The following STX8 variants were observed in gnomAD, a reference collection of about 807,000 sequenced individuals.
STX8 encodes syntaxin 8.
In STX8, 23 loss-of-function variants were observed where a neutral mutation model predicts 37.5. The observed-to-expected ratio is 0.61, with a 90% CI of 0.44 to 0.87. The LOEUF (loss-of-function observed/expected upper bound fraction) is 0.87, where lower values mean the gene tolerates loss of function less well. Ranked by LOEUF, STX8 falls within the 40% of genes least tolerant of loss-of-function variation. The pLI is 0.00. For synonymous variants in STX8, 115 were observed against 99.1 expected (o/e 1.16, Z -0.95); for missense variants, 313 against 284.7 (o/e 1.10, Z -0.71).
intron 4 of STX8, among the ~76,000 whole-genome samples, chr17:9,508,134 T>C (rs775519416): frequency 1.3e-5 from 2 of 152,096 alleles, no homozygotes; most frequent in Non-Finnish European, 2.9e-5. Context: ...AATCTTACAG[T>C]GAGATACAAG....
intron 4 of STX8, among the ~76,000 whole-genome samples, chr17:9,524,743 A>G (rs6503225): frequency 0.95 from 144,713 of 152,080 alleles, 69,296 homozygotes; most frequent in East Asian, 1. Flanking sequence ...GCAAATTATC[A>G]AGATGGACAC....
At chr17:9,480,295 G>A (rs765258223) in intron 6 of STX8, among the ~76,000 whole-genome samples, 29 of 152,268 alleles carry the variant, frequency 1.9e-4, no homozygotes, top group South Asian at 4.1e-4. Context: ...TAAACAATTT[G>A]GAGAATGTAC....
intron 6 of STX8, among the ~76,000 whole-genome samples, chr17:9,460,684 A>AAC (rs1382439960): frequency 1.1e-4 from 17 of 149,888 alleles, no homozygotes; most frequent in Admixed American, 1.0e-3. Context: ...AAAAAAAAAA[A>AAC]AAAACAAAAC....
intron 7 of STX8, among the ~76,000 whole-genome samples, chr17:9,298,629 T>A (rs912758591): frequency 6.6e-6 from 1 of 152,006 alleles, no homozygotes; most frequent in East Asian, 1.9e-4. Flanking sequence ...CTGGCCAACA[T>A]GGTGAAACCC....
chr17:9,549,665 C>T (rs1290557900), intron 3 of STX8, among the ~76,000 whole-genome samples: 1 of 152,070 alleles, frequency 6.6e-6, no homozygotes, highest in East Asian at 1.9e-4. Flanking sequence ...CAATTAGGAA[C>T]ATGCTGCCTC....
chr17:9,277,659 A>C (rs1567764866), intron 7 of STX8, among the ~76,000 whole-genome samples: 2 of 152,280 alleles, frequency 1.3e-5, no homozygotes, highest in East Asian at 3.9e-4. Flanking sequence ...AATAAACAAG[A>C]TGTTATGACA....
At position 9,306,485 on chromosome 17, in the gene STX8, C is replaced by G. The variant is rs539967235; in HGVS notation, c.644-55840G>C. 2.0e-5 allele frequency among the ~76,000 whole-genome samples: 3 copies of G among 151,704 alleles called. No individual in the cohort carries two copies. The South Asian group carries it at 6.2e-4, about 32-fold the overall frequency. ...AAATTAAGGGCCAGGTACGGTATCT[C>G]ACACCTGTAATCCCAGCACTTTGGG... On this transcript the variant is annotated intron_variant, in intron 7 of 7. Transcript: ENST00000306357.
chr17:9,544,617 G>A (rs1225771985), intron 4 of STX8, among the ~76,000 whole-genome samples: 1 of 152,088 alleles, frequency 6.6e-6, no homozygotes, highest in East Asian at 1.9e-4. Flanking sequence ...GAAATGTTCT[G>A]ACTTCACCCA....
intron 7 of STX8, among the ~76,000 whole-genome samples, chr17:9,309,962 T>C (rs1909133240): frequency 6.6e-6 from 1 of 152,280 alleles, no homozygotes; most frequent in African/African-American, 2.4e-5. Context: ...CTAAGAAGTA[T>C]TTCCTATAGC....
rs146744410 is a variant in STX8, at chr17:9,370,555, G to A, written c.643+7997C>T. 4.0e-3 allele frequency among the ~76,000 whole-genome samples: 603 copies of A among 152,260 alleles called. 5 individuals carry two copies. The highest frequency in any genetic ancestry group is 0.014 in the African/African-American group (568 of 41,532). On this transcript the variant is annotated intron_variant, in intron 7 of 7. Coordinates refer to ENST00000306357, the MANE Select transcript of STX8 (RefSeq NM_004853.3). ...TGAGCTGAAGGCAGATCCAATGGTC[G>A]TCGATTGAGACAGCATTAATGCAAT...
At chr17:9,560,290 G>A (rs1907173621) in intron 2 of STX8, among the ~76,000 whole-genome samples, 2 of 151,062 alleles carry the variant, frequency 1.3e-5, no homozygotes, top group African/African-American at 4.9e-5. Context: ...CTCAGTTACT[G>A]GGGAGGCTGA....
intron 6 of STX8, among the ~76,000 whole-genome samples, chr17:9,480,210 A>C (rs752498259): frequency 8.5e-5 from 13 of 152,186 alleles, no homozygotes; most frequent in Non-Finnish European, 1.5e-4. Context: ...AGCCGTGACA[A>C]CAGACATGAC....
At chr17:9,255,750 C>T (rs1906772341) in intron 7 of STX8, among the ~76,000 whole-genome samples, 1 of 152,058 alleles carries the variant, frequency 6.6e-6, no homozygotes, top group African/African-American at 2.4e-5. Context: ...TTTAAACAGG[C>T]TTAAGTAAAC....
At chr17:9,413,822 A>C (rs1913057247) in intron 6 of STX8, among the ~76,000 whole-genome samples, 1 of 152,128 alleles carries the variant, frequency 6.6e-6, no homozygotes, top group Non-Finnish European at 1.5e-5. Flanking sequence ...CAACGGAAAA[A>C]AACTTGCAGG....
At chr17:9,455,659 C>T (rs1905167206) in intron 6 of STX8, among the ~76,000 whole-genome samples, 1 of 151,896 alleles carries the variant, frequency 6.6e-6, no homozygotes, top group Non-Finnish European at 1.5e-5. Context: ...TTTTAAAAAA[C>T]TGAATAAAAA....
At chr17:9,409,150 A>G (rs539761313) in intron 6 of STX8, among the ~76,000 whole-genome samples, 2 of 152,132 alleles carry the variant, frequency 1.3e-5, no homozygotes, top group East Asian at 3.9e-4. Context: ...AATCTAACAA[A>G]TCAAATCTTC....
At chr17:9,440,016 G>C (rs1904582437) in intron 6 of STX8, among the ~76,000 whole-genome samples, 1 of 152,054 alleles carries the variant, frequency 6.6e-6, no homozygotes, top group Admixed American at 6.6e-5. Context: ...TTCAAACCTT[G>C]GTCAGGATGG....
At chr17:9,289,582 C>T (rs1567769936) in intron 7 of STX8, among the ~76,000 whole-genome samples, 1 of 150,634 alleles carries the variant, frequency 6.6e-6, no homozygotes, top group Non-Finnish European at 1.5e-5. Context: ...AAAATCCATC[C>T]TGGCTAACAT....
At chr17:9,514,173 A>G (rs1905102780) in intron 4 of STX8, among the ~76,000 whole-genome samples, 1 of 152,184 alleles carries the variant, frequency 6.6e-6, no homozygotes, top group African/African-American at 2.4e-5. Context: ...ACGATATAGA[A>G]TGTTCCCAAC....
Sources: allele counts gnomAD v4.1 joint callset (sites outside exome capture counted in the v4.1 genomes callset), GRCh38; gene constraint gnomAD v4.1.1; transcripts MANE v1.5; gene names NCBI Gene and HGNC (gene_info 2026-07-23, HGNC 2026-07-21).